VEZT: variants seen among roughly 807,000 people sequenced by gnomAD.
VEZT encodes the protein vezatin.
VEZT carries 39 observed loss-of-function variants against 79.9 expected under a neutral mutation model. That is an observed-to-expected ratio of 0.49 (90% CI 0.38 to 0.64). The LOEUF (loss-of-function observed/expected upper bound fraction) is 0.64. Among genes scored for constraint, VEZT ranks in the 30% least tolerant of loss-of-function variants. VEZT has a pLI of 0.00. For missense variants in VEZT, 837 were observed against 893.1 expected (o/e 0.94, Z 0.80); for synonymous variants, 325 against 327.6 (o/e 0.99, Z 0.09).
At chr12:95,271,285 A>G (rs1412273440) in intron 6 of VEZT, among the ~76,000 whole-genome samples, 1 of 152,200 alleles carries the variant, frequency 6.6e-6, no homozygotes, top group Non-Finnish European at 1.5e-5. Context: ...CATTGCCTAA[A>G]TGCCGGTCTG....
intron 11 of VEZT, chr12:95,299,758 G>A (rs1355714462): frequency 6.5e-6 from 1 of 153,446 alleles, no homozygotes; most frequent in African/African-American, 2.4e-5. Flanking sequence ...ATCAAGATGA[G>A]GGCTTGTAAA....
chr12:95,288,890 G>C (rs2071725640), intron 9 of VEZT, among the ~76,000 whole-genome samples: 1 of 151,870 alleles, frequency 6.6e-6, no homozygotes, highest in Non-Finnish European at 1.5e-5. Context: ...TCTACAAATA[G>C]AAACACTCAG....
At chr12:95,275,727 A>G (rs1266555963) in intron 7 of VEZT, 2 of 152,110 alleles carry the variant, frequency 1.3e-5, no homozygotes, top group East Asian at 3.9e-4. Flanking sequence ...TATAGAAGAT[A>G]AGTTGGGTGC....
At chr12:95,283,475 A>G (rs1398523618) in intron 8 of VEZT, among the ~76,000 whole-genome samples, 1 of 152,180 alleles carries the variant, frequency 6.6e-6, no homozygotes, top group East Asian at 1.9e-4. Context: ...ATTGTAGTTG[A>G]TGTACTTGAC....
intron 8 of VEZT, among the ~76,000 whole-genome samples, chr12:95,283,130 T>A (rs1023849873): frequency 6.6e-6 from 1 of 152,218 alleles, no homozygotes; most frequent in Non-Finnish European, 1.5e-5. Flanking sequence ...ACAAGCTTTG[T>A]GGTCCCAGTT....
At chr12:95,244,417 C>A (rs7975567) in intron 1 of VEZT, among the ~76,000 whole-genome samples, 2,999 of 152,190 alleles carry the variant, frequency 0.02, 103 homozygotes, top group African/African-American at 0.067. Context: ...ATATAATTAT[C>A]TCATCTGACA....
rs1478245844 is a variant in VEZT at position 95,243,759 on chromosome 12, G to A, written c.37-8181G>A. Among the ~76,000 whole-genome samples the A allele has an allele frequency of 3.3e-5, 5 of 152,176 alleles. No individual in the cohort carries two copies. In the South Asian group the frequency reaches 1.0e-3, roughly 31 times the overall value. The stretch of plus-strand genomic sequence containing the variant: ...TAGGTCACGAGGCTCCACTTTCATG[G>A]ATGGCTTGGTGCCATTCTCACAATA... On this transcript the variant is annotated intron_variant, in intron 1 of 11. Coordinates refer to ENST00000436874, the MANE Select transcript of VEZT (RefSeq NM_017599.4).
At position 95,287,367 on chromosome 12, in the gene VEZT, T is replaced by G. The variant is rs373289805; in HGVS notation, c.1329-297T>G. Among the ~76,000 whole-genome samples, 16 of 152,236 alleles carry G rather than the reference T, an allele frequency of 1.1e-4. No individual in the cohort carries two copies. The East Asian group carries it at 2.1e-3, about 20-fold the overall frequency. ...TGGGATTTCACTCTGTCCCCCAGGCTGAAGTGCAGTGGCGCTATTGTGGCT... is the reference window on the plus strand; with the variant it reads ...TGGGATTTCACTCTGTCCCCCAGGCGGAAGTGCAGTGGCGCTATTGTGGCT... On this transcript the variant is annotated intron_variant, in intron 8 of 11. Coordinates refer to ENST00000436874, the MANE Select transcript of VEZT (RefSeq NM_017599.4).
intron 8 of VEZT, among the ~76,000 whole-genome samples, chr12:95,285,169 C>T (rs1378279338): frequency 1.3e-5 from 2 of 151,640 alleles, no homozygotes; most frequent in African/African-American, 2.4e-5. Context: ...TCCGGCCAGG[C>T]GCAATGGCTA....
chr12:95,298,679 C>T (rs867804605), intron 11 of VEZT, among the ~76,000 whole-genome samples: 3 of 152,110 alleles, frequency 2.0e-5, no homozygotes, highest in Admixed American at 1.3e-4. Flanking sequence ...CTAACACACT[C>T]GTCAATTGAT....
In VEZT at chr12:95,255,155, AAAAC is replaced by A. The variant is rs552119835; in HGVS notation, c.169-1983_169-1980del. On this transcript the variant is annotated intron_variant, in intron 2 of 11. Transcript: ENST00000436874. ...AAATAGGACTTCCTCAGACACCCCCAAAACAAACAAACAAAAAATGTTCCTTTTA... is the reference window on the plus strand; with the variant it reads ...AAATAGGACTTCCTCAGACACCCCCAAAACAAACAAAAAATGTTCCTTTTA... Among the ~76,000 whole-genome samples the A allele has an allele frequency of 3.9e-5, 6 of 152,186 alleles. 1 individual carries two copies. Among genetic ancestry groups the A allele is most frequent in the Admixed American group, 2.0e-4 (3 of 15,296 alleles).
intron 10 of VEZT, 47 bp downstream of exon 10, chr12:95,294,419 T>C (rs185137793): frequency 4.3e-4 from 603 of 1,416,524 alleles, no homozygotes; most frequent in Admixed American, 6.2e-4. Flanking sequence ...TTTCTGTTTC[T>C]AATGAGCTTC....
intron 8 of VEZT, among the ~76,000 whole-genome samples, chr12:95,287,308 T>A (rs572520351): frequency 1.3e-5 from 2 of 152,108 alleles, no homozygotes; most frequent in Non-Finnish European, 2.9e-5. Flanking sequence ...TTTCATCTTA[T>A]AAGCCTTTTT....
intron 5 of VEZT, among the ~76,000 whole-genome samples, chr12:95,268,223 C>T (rs1197704585): frequency 6.6e-6 from 1 of 151,824 alleles, no homozygotes; most frequent in Non-Finnish European, 1.5e-5. Context: ...CGGCCGGGCA[C>T]GGTGGCCCAC....
intron 1 of VEZT, among the ~76,000 whole-genome samples, chr12:95,251,069 G>T (rs2062523064): frequency 6.7e-6 from 1 of 149,090 alleles, no homozygotes; most frequent in African/African-American, 2.6e-5. Context: ...GGAGTGCAGT[G>T]GCGTGATCTC....
intron 1 of VEZT, among the ~76,000 whole-genome samples, chr12:95,239,981 AG>A (rs1338480370): frequency 2.6e-3 from 339 of 129,686 alleles, no homozygotes; most frequent in Non-Finnish European, 3.6e-3. Context: ...AGAGAGAGAG[AG>A]GAGAGAGAGA....
chr12:95,246,438 A>G (rs576606821), intron 1 of VEZT, among the ~76,000 whole-genome samples: 9 of 152,188 alleles, frequency 5.9e-5, no homozygotes, highest in Non-Finnish European at 1.0e-4. Context: ...TGATATCTTT[A>G]TGTGGGGCCT....
intron 6 of VEZT, among the ~76,000 whole-genome samples, chr12:95,271,947 G>A (rs960269685): frequency 1.8e-4 from 27 of 152,148 alleles, no homozygotes; most frequent in Admixed American, 1.5e-3. Flanking sequence ...TCAGAGGCTG[G>A]CTTGAGCCCA....
chr12:95,267,851 A>G (rs1418939580), intron 5 of VEZT, among the ~76,000 whole-genome samples: 2 of 151,984 alleles, frequency 1.3e-5, no homozygotes, highest in Non-Finnish European at 2.9e-5. Context: ...GCAAAACCCC[A>G]TCTCTACAAA....
Sources: allele counts gnomAD v4.1 joint callset (sites outside exome capture counted in the v4.1 genomes callset), GRCh38; gene constraint gnomAD v4.1.1; transcripts MANE v1.5; gene names NCBI Gene and HGNC (gene_info 2026-07-23, HGNC 2026-07-21).